The following BLTP3A variants were observed in gnomAD, a reference collection of about 807,000 sequenced individuals.
The protein encoded by BLTP3A is ICBP90 binding protein 1.
chr6:34,835,415 T>C, the BLTP3A span: 1 of 1,614,168 alleles, frequency 6.2e-7, no homozygotes. Context: ...AGTGAAGCCA[T>C]GGAGAAGTCA....
At chr6:34,811,921 T>C in the BLTP3A span, among the ~76,000 whole-genome samples, 1 of 151,860 alleles carries the variant, frequency 6.6e-6, no homozygotes, top group Non-Finnish European at 1.5e-5. Flanking sequence ...TCCTAGCTCC[T>C]TGGGAGGCTG....
At chr6:34,858,125 T>G in the BLTP3A span, 1 of 1,610,344 alleles carries the variant, frequency 6.2e-7, no homozygotes, top group Non-Finnish European at 8.5e-7. Flanking sequence ...TCTGTGAAGG[T>G]GAGCTTTCCA....
At chr6:34,867,489 G>A in the BLTP3A span, 4 of 1,614,072 alleles carry the variant, frequency 2.5e-6, no homozygotes, top group African/African-American at 4.0e-5. Flanking sequence ...TCCTGAAGGT[G>A]AATGAGGTGT....
the BLTP3A span, among the ~76,000 whole-genome samples, chr6:34,872,152 A>G: frequency 6.6e-6 from 1 of 152,236 alleles, no homozygotes; most frequent in Admixed American, 6.5e-5. Context: ...CCAATGAACT[A>G]TGAAGAGGGA....
chr6:34,835,978 G>A, the BLTP3A span, among the ~76,000 whole-genome samples: 2 of 152,302 alleles, frequency 1.3e-5, no homozygotes, highest in South Asian at 4.1e-4. Context: ...TTAGGCTTTT[G>A]GAGTTTGGGT....
the BLTP3A span, among the ~76,000 whole-genome samples, chr6:34,829,586 TG>T: frequency 6.6e-6 from 1 of 152,170 alleles, no homozygotes; most frequent in African/African-American, 2.4e-5. Flanking sequence ...TTCCATTACC[TG>T]AATATGCCAT....
At chr6:34,856,323 A>G in the BLTP3A span, 1 of 1,614,192 alleles carries the variant, frequency 6.2e-7, no homozygotes, top group Non-Finnish European at 8.5e-7. Flanking sequence ...ATGGAATTTC[A>G]GAGCAAAATG....
At chr6:34,838,100 A>C in the BLTP3A span, among the ~76,000 whole-genome samples, 1 of 152,196 alleles carries the variant, frequency 6.6e-6, no homozygotes, top group Non-Finnish European at 1.5e-5. Context: ...AATTTAATGA[A>C]GTTTTAGATG....
the BLTP3A span, chr6:34,858,414 A>G: frequency 6.2e-7 from 1 of 1,613,968 alleles, no homozygotes; most frequent in Non-Finnish European, 8.5e-7. Flanking sequence ...CTCCCCAGAG[A>G]CCTAAGGCTT....
At chr6:34,868,956 A>G in the BLTP3A span, among the ~76,000 whole-genome samples, 1 of 152,054 alleles carries the variant, frequency 6.6e-6, no homozygotes, top group Non-Finnish European at 1.5e-5. Flanking sequence ...AAGGCATAAA[A>G]TAATAACAAT....
chr6:34,871,963 T>C, the BLTP3A span: 1 of 1,593,812 alleles, frequency 6.3e-7, no homozygotes, highest in Non-Finnish European at 8.6e-7. Context: ...CCATAACCCT[T>C]GGGGGCTATA....
chr6:34,867,890 G>C, the BLTP3A span, among the ~76,000 whole-genome samples: 1 of 152,182 alleles, frequency 6.6e-6, no homozygotes, highest in African/African-American at 2.4e-5. Flanking sequence ...CACTTCATTT[G>C]TGTGTCTCTT....
the BLTP3A span, among the ~76,000 whole-genome samples, chr6:34,802,072 A>C: frequency 6.6e-6 from 1 of 152,078 alleles, no homozygotes; most frequent in African/African-American, 2.4e-5. Flanking sequence ...ATTTTAGGAA[A>C]CTGCCATGAG....
At chr6:34,876,887 G>C in the BLTP3A span, 1 of 152,154 alleles carries the variant, frequency 6.6e-6, no homozygotes, top group Non-Finnish European at 1.5e-5. Context: ...TTGCTAAGTG[G>C]CCAGACTTGG....
the BLTP3A span, among the ~76,000 whole-genome samples, chr6:34,828,477 TTA>T: frequency 4.1e-4 from 60 of 147,302 alleles, no homozygotes; most frequent in Admixed American, 5.5e-4. Context: ...AAGTGTGTAT[TTA>T]TATATATATA....
the BLTP3A span, among the ~76,000 whole-genome samples, chr6:34,846,852 A>C: frequency 1.3e-5 from 2 of 152,206 alleles, no homozygotes; most frequent in East Asian, 3.8e-4. Flanking sequence ...CAAATATTAC[A>C]GGAAAGGCTT....
chr6:34,856,657 C>T, the BLTP3A span: 1 of 1,250,228 alleles, frequency 8.0e-7, no homozygotes, highest in African/African-American at 1.5e-5. Flanking sequence ...TTGAGTTCAT[C>T]CAGGAGCTAG....
the BLTP3A span, chr6:34,856,883 G>A: frequency 3.1e-6 from 5 of 1,614,146 alleles, no homozygotes; most frequent in Non-Finnish European, 4.2e-6. Context: ...AACCGCTTAC[G>A]CTCTAGCTGC....
the BLTP3A span, among the ~76,000 whole-genome samples, chr6:34,827,214 G>A: frequency 6.6e-6 from 1 of 152,070 alleles, no homozygotes; most frequent in Non-Finnish European, 1.5e-5. Flanking sequence ...GGGAGGCTGA[G>A]GCAGGGGAGT....
Sources: allele counts gnomAD v4.1 joint callset (sites outside exome capture counted in the v4.1 genomes callset), GRCh38; gene constraint gnomAD v4.1.1; transcripts MANE v1.5; gene names NCBI Gene and HGNC (gene_info 2026-07-23, HGNC 2026-07-21).